Variants in PREP observed in about 807,000 individuals in gnomAD.
PREP encodes the protein dJ355L5.1 (prolyl endopeptidase).
PREP carries 29 observed loss-of-function variants against 87.6 expected under a neutral mutation model. That is an observed-to-expected ratio of 0.33 (90% confidence interval 0.25 to 0.45). PREP has a LOEUF of 0.45. Among genes scored for constraint, PREP ranks in the 20% least tolerant of loss-of-function variants. PREP has a pLI of 1.00. For synonymous variants in PREP, 337 were observed against 328.6 expected (o/e 1.03, Z -0.28); for missense variants, 695 against 886.5 (o/e 0.78, Z 2.74).
At chr6:105,308,717 CTCTA>C (rs1007833578) in intron 10 of PREP, among the ~76,000 whole-genome samples, 3 of 152,078 alleles carry the variant, frequency 2.0e-5, no homozygotes, top group South Asian at 2.1e-4. Context: ...TCATTTCAGA[CTCTA>C]TCTATCACAA....
intron 6 of PREP, among the ~76,000 whole-genome samples, chr6:105,355,462 T>C (rs1772073197): frequency 6.6e-6 from 1 of 152,202 alleles, no homozygotes; most frequent in Admixed American, 6.5e-5. Context: ...ACTGGGAATT[T>C]GGTGTCATTT....
chr6:105,403,048 G>T lies in PREP; in HGVS notation c.-157C>A. The stretch of plus-strand genomic sequence containing the variant: ...CTCACGGCCAGAGCTAGCACAAACG[G>T]ACTGGCGGCGCGGCGGCGAGGACGT... On this transcript the variant is annotated 5_prime_UTR_variant, in exon 1 of 15. Transcript: ENST00000652536. 1 of 293,012 alleles carries T rather than the reference G, an allele frequency of 3.4e-6. No homozygotes were observed. The allele number at this position is 293,012 out of a possible 1,614,324, so 18.2% of individuals were successfully genotyped here.
intron 6 of PREP, among the ~76,000 whole-genome samples, chr6:105,366,071 A>G (rs1237795281): frequency 6.6e-6 from 1 of 152,110 alleles, no homozygotes; most frequent in African/African-American, 2.4e-5. Context: ...CCTGGCCAAC[A>G]TGGTGAAACC....
Position 105,322,336 on chromosome 6 carries a change from A to C in PREP, c.1317+1329T>G. 3.2e-6 allele frequency: 3 copies of C among 924,108 alleles called. No homozygotes were observed. The South Asian group carries it at 1.5e-4, about 46-fold the overall frequency. The allele number at this position is 924,108 out of a possible 1,614,324, so 57.2% of individuals were successfully genotyped here. On this transcript the variant is annotated intron_variant, in intron 10 of 14. Transcript: ENST00000652536. ...GATTATATTCTATTGCCAGATCTTGAATATACCTTATCTCTTAATAATCCC... is the reference window on the plus strand; with the variant it reads ...GATTATATTCTATTGCCAGATCTTGCATATACCTTATCTCTTAATAATCCC...
At chr6:105,362,674 C>A (rs563078427) in intron 6 of PREP, among the ~76,000 whole-genome samples, 1 of 152,320 alleles carries the variant, frequency 6.6e-6, no homozygotes, top group African/African-American at 2.4e-5. Context: ...CCTTCCCAAC[C>A]ATGCTGCTGA....
chr6:105,374,000 G>C (rs1211061149), intron 4 of PREP, among the ~76,000 whole-genome samples: 1 of 152,118 alleles, frequency 6.6e-6, no homozygotes, highest in Non-Finnish European at 1.5e-5. Context: ...CCATATAATA[G>C]AACTAAATTG....
intron 5 of PREP, among the ~76,000 whole-genome samples, chr6:105,371,795 A>T (rs1196710069): frequency 6.6e-6 from 1 of 152,044 alleles, no homozygotes; most frequent in Non-Finnish European, 1.5e-5. Context: ...ACAGTCTGAG[A>T]GGCTACTGAG....
intron 7 of PREP, among the ~76,000 whole-genome samples, chr6:105,348,809 G>A (rs1020920877): frequency 1.3e-5 from 2 of 151,826 alleles, no homozygotes; most frequent in South Asian, 2.1e-4. Flanking sequence ...AACTTGGGAG[G>A]TGGAGGTTGC....
chr6:105,317,590 T>C (rs143749824), intron 10 of PREP, among the ~76,000 whole-genome samples: 2 of 152,302 alleles, frequency 1.3e-5, no homozygotes, highest in East Asian at 3.9e-4. Context: ...GGGACCTGAT[T>C]ACCTTTCTGT....
At position 105,278,035 on chromosome 6, in the gene PREP, C is replaced by T; in HGVS notation, c.*109G>A. On this transcript the variant is annotated 3_prime_UTR_variant, in exon 15 of 15. Transcript: ENST00000652536. The surrounding 1 kb of genome is among the most constrained non-coding windows in gnomAD (Gnocchi z 4.2). ...TCTGTTCAACTGTAGCCTGTGAGTG[C>T]AGGAATAATGTTCCCGTGGGGAAGC... The T allele has an allele frequency of 7.3e-7, 1 of 1,377,034 alleles. No individual in the cohort carries two copies. The allele number at this position is 1,377,034 out of a possible 1,614,324, so 85.3% of individuals were successfully genotyped here.
intron 8 of PREP, 100 bp downstream of exon 8, chr6:105,333,214 T>A: frequency 8.4e-7 from 1 of 1,195,432 alleles, no homozygotes; most frequent in Non-Finnish European, 1.2e-6. Context: ...TTGAAGGTTT[T>A]TTACCTTGTA....
intron 8 of PREP, among the ~76,000 whole-genome samples, chr6:105,330,979 G>A (rs12201832): frequency 0.023 from 3,461 of 152,198 alleles, 48 homozygotes; most frequent in Non-Finnish European, 0.034. Context: ...AAAGTATGGG[G>A]GAAAAATGAA....
rs1770000492 is a variant in PREP at position 105,278,588 on chromosome 6, CA to C, written c.1839-151del. The C allele has an allele frequency of 1.2e-6, 1 of 815,892 alleles. No individual in the cohort carries two copies. Among genetic ancestry groups the C allele is most frequent in the African/African-American group, 1.7e-5 (1 of 57,994 alleles). 50.5% of individuals were successfully genotyped at this position (815,892 alleles called of 1,614,324 possible). ...TGTGCCTATGCGTTACCATTTAGGC[CA>C]TGACTGGCAAGGGCTCCTGGAAACT... is the stretch of plus-strand genomic sequence containing the variant. On this transcript the variant is annotated intron_variant, in intron 14 of 14. Transcript: ENST00000652536. This position sits in a 1 kb window ranked among gnomAD's most constrained non-coding sequence, Gnocchi z 4.2.
At chr6:105,282,031 C>T in intron 13 of PREP, 129 bp from the exon 14 acceptor site, 2 of 1,171,984 alleles carry the variant, frequency 1.7e-6, no homozygotes, top group Non-Finnish European at 2.3e-6. Context: ...CAAGAGGAAA[C>T]CATCAGAAAT....
chr6:105,365,431 T>A (rs1323099015), intron 6 of PREP, among the ~76,000 whole-genome samples: 1 of 152,118 alleles, frequency 6.6e-6, no homozygotes, highest in Non-Finnish European at 1.5e-5. Flanking sequence ...CACAAGAAAT[T>A]CCCACCTCAA....
chr6:105,280,492 T>C (rs1770056015), intron 14 of PREP: 1 of 152,238 alleles, frequency 6.6e-6, no homozygotes, highest in Non-Finnish European at 1.5e-5. Context: ...AGCATAGTGG[T>C]TGCAGGATAC....
chr6:105,281,721 C>T, intron 14 of PREP, 25 bp downstream of exon 14: 2 of 1,608,104 alleles, frequency 1.2e-6, no homozygotes, highest in Non-Finnish European at 1.7e-6. Flanking sequence ...CCACTAACAA[C>T]ATATATATGT....
rs977635756 is a variant in PREP at position 105,282,679 on chromosome 6, T to C, written c.1550-97A>G. On this transcript the variant is annotated intron_variant, in intron 12 of 14. Coordinates refer to ENST00000652536, the MANE Select transcript of PREP (RefSeq NM_002726.5). ...AATGATAGAGCACGGTTTCAAATAC[T>C]GATTAACTTAAAAACCATGGGTTAA... The C allele has an allele frequency of 1.4e-5, 20 of 1,387,566 alleles. No individual in the cohort carries two copies. In the African/African-American group the frequency reaches 2.5e-4, roughly 17 times the overall value. The allele number at this position is 1,387,566 out of a possible 1,614,324, so 86.0% of individuals were successfully genotyped here.
At chr6:105,390,286 T>C (rs1053166205) in intron 2 of PREP, among the ~76,000 whole-genome samples, 1 of 152,242 alleles carries the variant, frequency 6.6e-6, no homozygotes, top group African/African-American at 2.4e-5. Flanking sequence ...TACATTTATA[T>C]TCCTTTCATC....
Sources: gnomAD v4.1 joint callset for allele counts (sites outside exome capture counted in the v4.1 genomes callset) on GRCh38, gnomAD v4.1.1 for gene constraint, Gnocchi (gnomAD v3.1) non-coding constraint, MANE v1.5 for transcripts, NCBI Gene and HGNC (gene_info 2026-07-23, HGNC 2026-07-21) for gene names.